The following PTPRG variants were observed in gnomAD, a reference collection of about 807,000 sequenced individuals.
The protein encoded by PTPRG is receptor-type tyrosine-protein phosphatase gamma.
A neutral mutation model predicts 165.3 loss-of-function variants in PTPRG; 102 were observed. The ratio of observed to expected loss-of-function variants is 0.62; its 90% CI spans 0.53 to 0.73. The LOEUF is 0.73. Ranked by LOEUF, PTPRG falls within the 30% of genes least tolerant of loss-of-function variation. PTPRG has a pLI of 0.00. For missense variants in PTPRG, 1,866 were observed against 1,861.4 expected, an observed-to-expected ratio of 1.00 and a Z score of -0.05; for synonymous variants, 675 against 669.5, an observed-to-expected ratio of 1.01 and a Z score of -0.13.
chr3:62,121,014 G>A (rs543147915), intron 5 of PTPRG, among the ~76,000 whole-genome samples: 16 of 151,598 alleles, frequency 1.1e-4, no homozygotes, highest in Non-Finnish European at 1.9e-4. Flanking sequence ...GCCCTATCTC[G>A]GCTCACTGCA....
intron 2 of PTPRG, among the ~76,000 whole-genome samples, chr3:61,786,541 G>A (rs1489710371): frequency 6.6e-6 from 1 of 152,162 alleles, no homozygotes; most frequent in Non-Finnish European, 1.5e-5. Flanking sequence ...TTCAAGGGTG[G>A]TTGGAGAGTC....
chr3:61,619,050 G>T (rs970131442), intron 1 of PTPRG, among the ~76,000 whole-genome samples: 1 of 151,708 alleles, frequency 6.6e-6, no homozygotes, highest in Admixed American at 6.6e-5. Context: ...CCAGCTACTC[G>T]GGAGGCTGAG....
intron 4 of PTPRG, among the ~76,000 whole-genome samples, chr3:62,025,864 G>C (rs2041792286): frequency 6.6e-6 from 1 of 151,972 alleles, no homozygotes; most frequent in Non-Finnish European, 1.5e-5. Context: ...TTACGAATTG[G>C]CTTTTAGAAG....
chr3:62,175,840 C>G (rs971849671), intron 8 of PTPRG, among the ~76,000 whole-genome samples: 1 of 152,104 alleles, frequency 6.6e-6, no homozygotes, highest in Admixed American at 6.5e-5. Flanking sequence ...CCACAGAGAT[C>G]TGGAGAAGAA....
intron 2 of PTPRG, among the ~76,000 whole-genome samples, chr3:61,889,490 A>G (rs1161042734): frequency 6.6e-6 from 1 of 152,236 alleles, no homozygotes; most frequent in Non-Finnish European, 1.5e-5. Context: ...TTTTAACATG[A>G]TAGTGACATG....
At chr3:62,104,779 A>G (rs903267061) in intron 5 of PTPRG, among the ~76,000 whole-genome samples, 1 of 152,190 alleles carries the variant, frequency 6.6e-6, no homozygotes, top group Admixed American at 6.5e-5. Context: ...CAAAAGCTGG[A>G]ACTGATGGTC....
chr3:61,796,768 C>T (rs1039935452), intron 2 of PTPRG, among the ~76,000 whole-genome samples: 41 of 152,138 alleles, frequency 2.7e-4, no homozygotes, highest in Non-Finnish European at 5.1e-4. Flanking sequence ...TATATTGTTG[C>T]TGTTAACTTT....
rs189372717 is a variant in PTPRG at position 61,713,369 on chromosome 3, C to G, written c.86-35509C>G. 1.7e-3 allele frequency among the ~76,000 whole-genome samples: 252 copies of G among 146,970 alleles called. 2 individuals carry two copies. The highest frequency in any genetic ancestry group is 6.1e-3 in the African/African-American group (243 of 39,796). On this transcript the variant is annotated intron_variant, in intron 1 of 29. Transcript: ENST00000474889. ...TGTATTTTTAGTAGAGACGGGGTTT[C>G]ACCATGTTGGCCAGGATTGTCTCAA...
At chr3:61,894,338 C>T (rs1411350305) in intron 2 of PTPRG, among the ~76,000 whole-genome samples, 3 of 100,452 alleles carry the variant, frequency 3.0e-5, no homozygotes, top group Non-Finnish European at 5.6e-5. Flanking sequence ...AAAAAAAGGT[C>T]AGCTTTTATC....
At chr3:61,703,993 G>T (rs2031116581) in intron 1 of PTPRG, among the ~76,000 whole-genome samples, 2 of 152,100 alleles carry the variant, frequency 1.3e-5, no homozygotes, top group Admixed American at 1.3e-4. Context: ...TGCCACTCTG[G>T]GCAGCCTTGT....
chr3:62,268,927 C>G (rs905949501), intron 19 of PTPRG, 108 bp from the exon 20 acceptor site: 5 of 1,253,336 alleles, frequency 4.0e-6, no homozygotes, highest in Non-Finnish European at 4.3e-6. Flanking sequence ...TTTCAGTCAA[C>G]TAAATGGCAA....
chr3:61,698,021 G>A (rs905221304), intron 1 of PTPRG, among the ~76,000 whole-genome samples: 1 of 151,968 alleles, frequency 6.6e-6, no homozygotes, highest in African/African-American at 2.4e-5. Context: ...GTATTTCTCC[G>A]TGACTCTTCA....
intron 2 of PTPRG, chr3:61,749,833 C>T (rs1180348154): frequency 1.3e-5 from 2 of 152,174 alleles, no homozygotes; most frequent in African/African-American, 2.4e-5. Flanking sequence ...GAGTATTAGT[C>T]TTAATAATAA....
chr3:61,876,908 A>G (rs1359162212), intron 2 of PTPRG, among the ~76,000 whole-genome samples: 2 of 148,798 alleles, frequency 1.3e-5, no homozygotes, highest in African/African-American at 2.6e-5. Context: ...TAATGTATTT[A>G]CTTAACTTAA....
At chr3:61,981,091 G>A (rs563142217) in intron 2 of PTPRG, among the ~76,000 whole-genome samples, 19 of 152,344 alleles carry the variant, frequency 1.2e-4, no homozygotes, top group African/African-American at 4.6e-4. Flanking sequence ...GGAACTTACA[G>A]TCATGGCAGA....
intron 6 of PTPRG, among the ~76,000 whole-genome samples, chr3:62,154,634 G>C (rs1704467431): frequency 1.3e-5 from 2 of 152,120 alleles, no homozygotes; most frequent in South Asian, 2.1e-4. Flanking sequence ...TCTTCCTATA[G>C]TGTGTTTAGA....
intron 1 of PTPRG, among the ~76,000 whole-genome samples, chr3:61,731,306 G>C (rs1353320754): frequency 6.6e-6 from 1 of 151,990 alleles, no homozygotes; most frequent in African/African-American, 2.4e-5. Context: ...CATTAGTAGG[G>C]AGTATGCCAT....
At chr3:61,704,886 C>T (rs760576904) in intron 1 of PTPRG, among the ~76,000 whole-genome samples, 43 of 152,164 alleles carry the variant, frequency 2.8e-4, no homozygotes, top group Non-Finnish European at 5.3e-4. Flanking sequence ...CTGCCTGGCC[C>T]CCGCCCCTGG....
At chr3:61,954,036 G>T (rs961878990) in intron 2 of PTPRG, among the ~76,000 whole-genome samples, 4 of 152,144 alleles carry the variant, frequency 2.6e-5, no homozygotes, top group African/African-American at 9.7e-5. Flanking sequence ...TTGGAAATCT[G>T]GGGAGAGGAC....
Sources: gnomAD v4.1 joint callset for allele counts (sites outside exome capture counted in the v4.1 genomes callset) on GRCh38, gnomAD v4.1.1 for gene constraint, MANE v1.5 for transcripts, NCBI Gene and HGNC (gene_info 2026-07-23, HGNC 2026-07-21) for gene names.